The following MYO10 variants were observed in gnomAD, a reference collection of about 807,000 sequenced individuals.
MYO10 encodes unconventional myosin-X.
In MYO10, 133 loss-of-function variants were observed where a neutral mutation model predicts 257.3. That is an observed-to-expected ratio of 0.52 (90% CI 0.45 to 0.60). MYO10 has a LOEUF of 0.60. Ranked by LOEUF, MYO10 falls within the 20% of genes least tolerant of loss-of-function variation. The probability of loss-of-function intolerance (pLI) is 0.00; values close to 1 mark genes in which losing one functional copy is unlikely to be tolerated. For missense variants in MYO10, 2,399 were observed against 2,635.7 expected, an observed-to-expected ratio of 0.91 and a Z score of 1.97; for synonymous variants, 1,104 against 1,028.6, an observed-to-expected ratio of 1.07 and a Z score of -1.40.
chr5:16,788,185 G>C (rs964474778), intron 4 of MYO10, among the ~76,000 whole-genome samples: 1 of 152,136 alleles, frequency 6.6e-6, no homozygotes, highest in Non-Finnish European at 1.5e-5. Flanking sequence ...AGGGCCGCGG[G>C]GGCAGCAGAG....
intron 9 of MYO10, among the ~76,000 whole-genome samples, chr5:16,777,839 C>CTATTCTTTTTT (rs1391555719): frequency 3.4e-5 from 3 of 88,482 alleles, no homozygotes; most frequent in African/African-American, 1.6e-4. Flanking sequence ...TTGCATCTAA[C>CTATTCTTTTTT]TTTTTTTTTT....
At chr5:16,766,832 T>C (rs1364311632) in intron 10 of MYO10, among the ~76,000 whole-genome samples, 17 of 145,508 alleles carry the variant, frequency 1.2e-4, no homozygotes, top group Non-Finnish European at 2.1e-4. Context: ...TACGGTGGCA[T>C]GATCTCAGCT....
At chr5:16,806,375 G>A (rs989688178) in intron 3 of MYO10, among the ~76,000 whole-genome samples, 1 of 150,766 alleles carries the variant, frequency 6.6e-6, no homozygotes, top group Non-Finnish European at 1.5e-5. Context: ...GGCCGGGTGC[G>A]ACGGCTCACA....
At chr5:16,699,346 G>A in intron 26 of MYO10, 104 bp downstream of exon 26, 1 of 1,433,218 alleles carries the variant, frequency 7.0e-7, no homozygotes, top group Non-Finnish European at 9.3e-7. Flanking sequence ...CATCAGCCCA[G>A]ATACAATAAC....
chr5:16,715,197 G>A (rs1738802029), intron 19 of MYO10, among the ~76,000 whole-genome samples: 1 of 148,132 alleles, frequency 6.8e-6, no homozygotes, highest in Non-Finnish European at 1.5e-5. Flanking sequence ...TGACTCTAGG[G>A]CCTTTCATGA....
In MYO10 at chr5:16,895,021, C is replaced by T. The variant is rs561928288; in HGVS notation, c.22-17314G>A. ...CACCTTTGTCCAGCACAAGAAAAAA[C>T]AGTCTCAGACTAACCCGCCAAGCTC... On this transcript the variant is annotated intron_variant, in intron 1 of 40. Transcript: ENST00000513610. Among the ~76,000 whole-genome samples the T allele has an allele frequency of 2.2e-4, 34 of 152,298 alleles. No individual in the cohort carries two copies. The South Asian group carries it at 6.8e-3, about 31-fold the overall frequency.
intron 27 of MYO10, among the ~76,000 whole-genome samples, chr5:16,691,232 T>C (rs1737485474): frequency 6.8e-6 from 1 of 147,078 alleles, no homozygotes. Context: ...ATCGCGCCAC[T>C]GCACTCCAAC....
At position 16,670,989 on chromosome 5, in the gene MYO10, A is replaced by G. The variant is rs1736430860; in HGVS notation, c.5431-11T>C. The stretch of plus-strand genomic sequence containing the variant: ...AACCGCTTCGTGGGCCTGAAAGGAG[A>G]CAGTCAACAGCTTTCCGGTCAACGC... On this transcript the variant is annotated splice_polypyrimidine_tract_variant and intron_variant, in intron 38 of 40. Coordinates refer to ENST00000513610, the MANE Select transcript of MYO10 (RefSeq NM_012334.3). The G allele has an allele frequency of 1.3e-6, 2 of 1,598,184 alleles. No individual in the cohort carries two copies. The highest frequency in any genetic ancestry group is 1.7e-6 in the Non-Finnish European group (2 of 1,169,586).
chr5:16,671,120 C>T, intron 38 of MYO10, 142 bp from the exon 39 acceptor site: 1 of 818,608 alleles, frequency 1.2e-6, no homozygotes, highest in East Asian at 2.7e-5. Context: ...ACCCTCACCC[C>T]TGGCTCACTG....
intron 33 of MYO10, among the ~76,000 whole-genome samples, chr5:16,679,692 T>A (rs904797427): frequency 1.3e-5 from 2 of 151,962 alleles, no homozygotes; most frequent in African/African-American, 4.8e-5. Flanking sequence ...ACCCGGCTAA[T>A]TTTTGTATTT....
At chr5:16,912,820 A>G in intron 1 of MYO10, among the ~76,000 whole-genome samples, 1 of 144,554 alleles carries the variant, frequency 6.9e-6, no homozygotes, top group African/African-American at 2.5e-5. Flanking sequence ...ACACACACAC[A>G]CACACACACA....
intron 3 of MYO10, among the ~76,000 whole-genome samples, chr5:16,809,081 C>T (rs148839207): frequency 0.017 from 2,509 of 151,566 alleles, 27 homozygotes; most frequent in Middle Eastern, 0.027. Flanking sequence ...CACTCCGGAG[C>T]ATAAATGTTT....
chr5:16,705,784 T>C (rs181654098), intron 21 of MYO10, among the ~76,000 whole-genome samples: 49 of 152,356 alleles, frequency 3.2e-4, no homozygotes, highest in African/African-American at 1.2e-3. Flanking sequence ...CAGCCGTACC[T>C]ATTCCTGCTC....
intron 40 of MYO10, among the ~76,000 whole-genome samples, chr5:16,667,774 T>C (rs760954279): frequency 5.3e-5 from 8 of 152,134 alleles, no homozygotes; most frequent in Non-Finnish European, 1.2e-4. Flanking sequence ...TCTTGTATTA[T>C]ATTTTTTAAA....
At chr5:16,774,015 A>G (rs1425572314) in intron 9 of MYO10, among the ~76,000 whole-genome samples, 1 of 152,066 alleles carries the variant, frequency 6.6e-6, no homozygotes, top group African/African-American at 2.4e-5. Flanking sequence ...ATTGTTTCTT[A>G]CTCTCCTATT....
chr5:16,920,580 G>A (rs1167709303), intron 1 of MYO10, among the ~76,000 whole-genome samples: 3 of 152,182 alleles, frequency 2.0e-5, no homozygotes, highest in Admixed American at 2.0e-4. Flanking sequence ...TATTGTGACT[G>A]CTGGTGGTTG....
At chr5:16,818,395 T>TATATATATATAC (rs1235270451) in intron 2 of MYO10, among the ~76,000 whole-genome samples, 3 of 110,466 alleles carry the variant, frequency 2.7e-5, no homozygotes, top group African/African-American at 1.1e-4. Context: ...TGTGTGTGTG[T>TATATATATATAC]GTGTGTGTGT....
In MYO10 at chr5:16,698,764, C is replaced by T. The variant is rs913495271; in HGVS notation, c.3556+686G>A. Reference sequence around the variant, plus strand: ...TCAGCCTCTCAGGTAGCTGGCACTACAGGAGCCCGCCACCGCTCCCGGCTA... The same window carrying T: ...TCAGCCTCTCAGGTAGCTGGCACTATAGGAGCCCGCCACCGCTCCCGGCTA... On this transcript the variant is annotated intron_variant, in intron 26 of 40. Coordinates refer to ENST00000513610, the MANE Select transcript of MYO10 (RefSeq NM_012334.3). 1.0e-4 allele frequency among the ~76,000 whole-genome samples: 15 copies of T among 150,106 alleles called. 1 individual carries two copies. Among genetic ancestry groups the T allele is most frequent in the African/African-American group, 3.8e-4 (15 of 39,678 alleles).
Position 16,867,161 on chromosome 5 carries a change from T to G in MYO10, c.120+10448A>C, listed in dbSNP as rs191480036. 4.3e-4 allele frequency among the ~76,000 whole-genome samples: 66 copies of G among 152,282 alleles called. No individual in the cohort carries two copies. In the East Asian group the frequency reaches 0.012, roughly 28 times the overall value. Reference sequence around the variant, plus strand: ...GCCTTCCTGGGCTCTCAGATAAGATTTTTCCCTTGGCTCAGATGTCTAGAT... The same window carrying G: ...GCCTTCCTGGGCTCTCAGATAAGATGTTTCCCTTGGCTCAGATGTCTAGAT... On this transcript the variant is annotated intron_variant, in intron 2 of 40. Coordinates refer to ENST00000513610, the MANE Select transcript of MYO10 (RefSeq NM_012334.3).
Sources: allele counts gnomAD v4.1 joint callset (sites outside exome capture counted in the v4.1 genomes callset), GRCh38; gene constraint gnomAD v4.1.1; transcripts MANE v1.5; gene names NCBI Gene and HGNC (gene_info 2026-07-23, HGNC 2026-07-21).